Variants in DNAH11 observed in about 807,000 individuals in gnomAD.
DNAH11 encodes the protein dynein axonemal heavy chain 11.
A neutral mutation model predicts 526.0 loss-of-function variants in DNAH11; 442 were observed. That is an observed-to-expected ratio of 0.84 (90% CI 0.78 to 0.91). The LOEUF (loss-of-function observed/expected upper bound fraction) is 0.91. Among genes scored for constraint, DNAH11 ranks in the 40% least tolerant of loss-of-function variants. The pLI, the probability that DNAH11 is intolerant of heterozygous loss-of-function variation, is 0.00. For missense variants in DNAH11, 6,989 were observed against 5,448.7 expected (o/e 1.28, Z -8.90); for synonymous variants, 2,461 against 1,935.9 (o/e 1.27, Z -7.12).
In DNAH11 at chr7:21,561,128, T is replaced by A. The variant is rs760647534; in HGVS notation, c.940T>A (p.Tyr314Asn). 3 of 1,604,388 alleles carry A rather than the reference T, an allele frequency of 1.9e-6. No individual in the cohort carries two copies. In the East Asian group the frequency reaches 6.7e-5, roughly 36 times the overall value. ...VKILTTKQSSYFPTLKDIFLA... is the reference protein window; with the variant it reads ...VKILTTKQSSNFPTLKDIFLA... The stretch of plus-strand genomic sequence containing the variant: ...GATCCTGACAACTAAACAAAGCAGC[T>A]ATTTTCCTACTCTGAAGGACATTTT... The change falls in exon 5 of 82, where the codon TAT becomes AAT. Residue 314 changes from tyrosine (Y) to asparagine (N), a missense_variant. Tyr to Asn is a moderately radical substitution (Grantham distance 143, BLOSUM62 -2). Coordinates refer to ENST00000409508, the MANE Select transcript of DNAH11 (RefSeq NM_001277115.2).
At position 21,570,297 on chromosome 7, in the gene DNAH11, G is replaced by C. The variant is rs766169967; in HGVS notation, c.1423G>C (p.Glu475Gln). The change falls in exon 7 of 82, where the codon GAG (glutamate) becomes CAG (glutamine). Residue 475 changes from glutamate (E) to glutamine (Q), a missense_variant and splice_region_variant. Transcript: ENST00000409508. ...DKFLDRLIKI[E>Q]DIFATTLEFE... is the part of the protein sequence containing the mutation. ...GTTTCTTGATCGTTTAATAAAAATA[G>C]AGGTATTCATTTTTTGATTTTATTT... The C allele has an allele frequency of 1.2e-5, 19 of 1,590,220 alleles. No homozygotes were observed. The highest frequency in any genetic ancestry group is 1.6e-5 in the Non-Finnish European group (19 of 1,171,356).
chr7:21,559,862 T>A, intron 4 of DNAH11, 70 bp downstream of exon 4: 1 of 1,287,572 alleles, frequency 7.8e-7, no homozygotes, highest in Non-Finnish European at 1.1e-6. Flanking sequence ...ACCAATAGTT[T>A]TAAAGATTTA....
In DNAH11 at chr7:21,827,195, A is replaced by G. The variant is rs77527420; in HGVS notation, c.10691+8856A>G. 1.0e-2 allele frequency among the ~76,000 whole-genome samples: 1,523 copies of G among 152,358 alleles called. 30 individuals are homozygous for G. Among genetic ancestry groups the G allele is most frequent in the African/African-American group, 0.034 (1,417 of 41,586 alleles). On this transcript the variant is annotated intron_variant, in intron 65 of 81. Coordinates refer to ENST00000409508, the MANE Select transcript of DNAH11 (RefSeq NM_001277115.2). ...CATAAAATGGCCACAGGCCGACAACAGCTGGGTAATTACAAATAATTAAAT... is the reference window on the plus strand; with the variant it reads ...CATAAAATGGCCACAGGCCGACAACGGCTGGGTAATTACAAATAATTAAAT...
intron 30 of DNAH11, among the ~76,000 whole-genome samples, chr7:21,667,253 G>A (rs532842964): frequency 1.3e-5 from 2 of 152,270 alleles, no homozygotes; most frequent in African/African-American, 4.8e-5. Flanking sequence ...TGCAAGCAAA[G>A]TGAGCCATTT....
intron 28 of DNAH11, among the ~76,000 whole-genome samples, chr7:21,651,487 G>A (rs1040925697): frequency 4.6e-5 from 7 of 152,022 alleles, no homozygotes; most frequent in Non-Finnish European, 7.4e-5. Context: ...CTCAGCCTCC[G>A]GAGTAGCTGG....
intron 35 of DNAH11, among the ~76,000 whole-genome samples, chr7:21,691,428 C>A (rs1783623494): frequency 6.6e-6 from 1 of 151,948 alleles, no homozygotes; most frequent in African/African-American, 2.4e-5. Context: ...TGCCGCTCTC[C>A]TTGGGCTCAA....
Position 21,873,417 on chromosome 7 carries a change from C to G in DNAH11, c.12111C>G (p.Leu4037=). ...ATGAGCATATCATCCCTCAAGGACT[C>G]CTGGAAAATTCCATTAAGATCACTA... ...TPDEHIIPQG[L]LENSIKITNE... The change falls in exon 74 of 82, where the codon CTC becomes CTG. Residue 4037 remains leucine (L), a synonymous_variant. Transcript: ENST00000409508. 6.2e-7 allele frequency: 1 copy of G among 1,613,980 alleles called. No individual in the cohort carries two copies. Among genetic ancestry groups the G allele is most frequent in the Non-Finnish European group, 8.5e-7 (1 of 1,179,886 alleles).
chr7:21,736,925 T>C (rs559338419), intron 46 of DNAH11, among the ~76,000 whole-genome samples: 2 of 152,246 alleles, frequency 1.3e-5, no homozygotes, highest in Non-Finnish European at 2.9e-5. Context: ...TTTGCAGATA[T>C]GAAAGAAAGA....
At chr7:21,617,255 C>T (rs1025228849) in intron 22 of DNAH11, among the ~76,000 whole-genome samples, 6 of 152,110 alleles carry the variant, frequency 3.9e-5, no homozygotes, top group African/African-American at 9.7e-5. Flanking sequence ...TCATGTATTC[C>T]GAAGGAGGTC....
At chr7:21,774,092 A>G in intron 56 of DNAH11, 93 bp downstream of exon 56, 1 of 1,150,644 alleles carries the variant, frequency 8.7e-7, no homozygotes. Flanking sequence ...CCATTTCTAT[A>G]AGATGCCAGC....
At chr7:21,782,897 G>A (rs560534070) in intron 57 of DNAH11, among the ~76,000 whole-genome samples, 26 of 131,960 alleles carry the variant, frequency 2.0e-4, no homozygotes, top group African/African-American at 5.0e-4. Context: ...GTGACAGAAC[G>A]AAACTGTCTC....
chr7:21,618,297 T>C (rs1167012574), intron 23 of DNAH11: 2 of 152,676 alleles, frequency 1.3e-5, no homozygotes, highest in South Asian at 4.1e-4. Flanking sequence ...TTTGGTCCTC[T>C]TATGCAGAGG....
rs76698211 is a variant in DNAH11 at position 21,791,070 on chromosome 7, G to C, written c.10026+1728G>C. On this transcript the variant is annotated intron_variant, in intron 61 of 81. Transcript: ENST00000409508. ...GTCATGATGGAGGGAGAGAGATTAC[G>C]TTCAAGGCTGGCTGATGAGATACAG... Among the ~76,000 whole-genome samples the C allele has an allele frequency of 9.6e-3, 1,466 of 152,284 alleles. 34 individuals are homozygous for C. The highest frequency in any genetic ancestry group is 0.031 in the African/African-American group (1,304 of 41,546).
At position 21,617,729 on chromosome 7, in the gene DNAH11, C is replaced by A. The variant is rs1298911955; in HGVS notation, c.4206C>A (p.Ser1402Arg). 3.1e-6 allele frequency: 5 copies of A among 1,611,360 alleles called. No individual in the cohort carries two copies. The South Asian group carries it at 4.4e-5, about 14-fold the overall frequency. The change falls in exon 23 of 82, where the codon AGC becomes AGA. Residue 1402 changes from serine (S) to arginine (R), a missense_variant. Coordinates refer to ENST00000409508, the MANE Select transcript of DNAH11 (RefSeq NM_001277115.2). ...TGAGGGCCATCACAGAGTTACAGAG[C>A]CCTGCCCTCAGGGACAGGCATTGGC... ...ASLRAITELQ[S>R]PALRDRHWHQ...
chr7:21,804,894 C>T (rs1332722982), intron 62 of DNAH11, among the ~76,000 whole-genome samples: 1 of 152,236 alleles, frequency 6.6e-6, no homozygotes, highest in Non-Finnish European at 1.5e-5. Flanking sequence ...AAAGGCTTTA[C>T]TGACCTGCAA....
chr7:21,763,082 G>A (rs960907151), intron 54 of DNAH11, among the ~76,000 whole-genome samples: 9 of 152,130 alleles, frequency 5.9e-5, no homozygotes, highest in African/African-American at 1.9e-4. Flanking sequence ...GGTGGCTCAC[G>A]CCTGTAATCC....
rs878854437 is a variant in DNAH11, at chr7:21,880,756, C to G, written c.12250C>G (p.Leu4084Val). 1 of 1,613,806 alleles carries G rather than the reference C, an allele frequency of 6.2e-7. No homozygotes were observed. The change falls in exon 75 of 82, where the codon CTC becomes GTC. Residue 4084 changes from leucine to valine, a missense_variant. Leu to Val is a conservative substitution (Grantham distance 32). Transcript: ENST00000409508. Reference sequence around the variant, plus strand: ...GGAGTTTAAAAGCATCCTTTTTTCTCTCTGCTACTTCCACGCCTGTGTTGC... The same window carrying G: ...GGAGTTTAAAAGCATCCTTTTTTCTGTCTGCTACTTCCACGCCTGTGTTGC... ...EQEFKSILFS[L>V]CYFHACVAGR...
chr7:21,870,024 C>G (rs1783435252), intron 73 of DNAH11, among the ~76,000 whole-genome samples: 3 of 152,158 alleles, frequency 2.0e-5, no homozygotes, highest in South Asian at 4.1e-4. Flanking sequence ...CAAAGGTTCT[C>G]GTCAGTAGGC....
chr7:21,575,498 G>A (rs1042649031), intron 8 of DNAH11, among the ~76,000 whole-genome samples: 2 of 152,198 alleles, frequency 1.3e-5, no homozygotes, highest in African/African-American at 4.8e-5. Context: ...TGCTATTTAT[G>A]TAGTGTTTTC....
Sources: allele counts gnomAD v4.1 joint callset (sites outside exome capture counted in the v4.1 genomes callset), GRCh38; gene constraint gnomAD v4.1.1; transcripts MANE v1.5; gene names NCBI Gene and HGNC (gene_info 2026-07-23, HGNC 2026-07-21).